Variants in ZFHX3 observed in about 807,000 individuals in gnomAD.
ZFHX3 encodes the protein zinc finger homeobox 3, also known as zinc finger homeobox protein 3.
A neutral mutation model predicts 279.1 loss-of-function variants in ZFHX3; 42 were observed. The ratio of observed to expected loss-of-function variants is 0.15; its 90% CI spans 0.12 to 0.19. ZFHX3 has a LOEUF of 0.19. ZFHX3 is among the 10% of genes least tolerant of loss of function. ZFHX3 has a pLI of 1.00. For missense variants in ZFHX3, 4,981 were observed against 4,754.0 expected, an observed-to-expected ratio of 1.05 and a Z score of -1.40; for synonymous variants, 2,293 against 1,957.8, an observed-to-expected ratio of 1.17 and a Z score of -4.52.
intron 1 of ZFHX3, among the ~76,000 whole-genome samples, chr16:73,687,815 T>TCGAAACTG (rs1555532489): frequency 7.4e-6 from 1 of 134,648 alleles, no homozygotes; most frequent in Non-Finnish European, 1.5e-5. Context: ...GCCACTGCAC[T>TCGAAACTG]CCAAACTGGT....
chr16:73,070,565 C>T (rs1056992220), intron 8 of ZFHX3, among the ~76,000 whole-genome samples: 1 of 152,172 alleles, frequency 6.6e-6, no homozygotes, highest in African/African-American at 2.4e-5. Flanking sequence ...AACCTGCTTG[C>T]CGAGGACGCA....
At chr16:73,821,682 T>C (rs900090561) in intron 1 of ZFHX3, among the ~76,000 whole-genome samples, 5 of 152,188 alleles carry the variant, frequency 3.3e-5, no homozygotes, top group Admixed American at 1.3e-4. Context: ...ATTGTGAAGT[T>C]TACACTTAGC....
intron 1 of ZFHX3, among the ~76,000 whole-genome samples, chr16:73,728,036 A>C: frequency 3.4e-5 from 1 of 29,168 alleles, no homozygotes; most frequent in Non-Finnish European, 8.2e-5. Context: ...GCCCCCAATA[A>C]TTCATATGTT....
chr16:73,153,832 T>G (rs1221355804), intron 5 of ZFHX3, among the ~76,000 whole-genome samples: 1 of 151,928 alleles, frequency 6.6e-6, no homozygotes. Context: ...GTATTTTTAG[T>G]AGAGTCGGGG....
At chr16:73,684,592 A>C (rs1208317612) in intron 1 of ZFHX3, among the ~76,000 whole-genome samples, 1 of 152,172 alleles carries the variant, frequency 6.6e-6, no homozygotes, top group Non-Finnish European at 1.5e-5. Context: ...CATGGCAAAG[A>C]GGATTTAAGG....
In ZFHX3 at chr16:72,787,452, A is replaced by AGCGGAGGAGGGGGCG; in HGVS notation, c.10809_10823dup (p.Ala3604_Ala3608dup). The AGCGGAGGAGGGGGCG allele has an allele frequency of 7.9e-7, 1 of 1,268,762 alleles. No homozygotes were observed. Among genetic ancestry groups the AGCGGAGGAGGGGGCG allele is most frequent in the South Asian group, 1.6e-5 (1 of 61,450 alleles). 78.6% of individuals were successfully genotyped at this position (1,268,762 alleles called of 1,614,324 possible). A position where few individuals can be genotyped will look rare whatever the true frequency, so the allele number is the denominator to read the frequency against. On this transcript the variant is annotated inframe_insertion, in exon 10 of 10. Coordinates refer to ENST00000268489, the MANE Select transcript of ZFHX3 (RefSeq NM_006885.4). The stretch of plus-strand genomic sequence containing the variant: ...AAGACTTCCTGGAGGCGTGGGGGGA[A>AGCGGAGGAGGGGGCG]GCGGAGGAGGGGGCGGCGGCCGACG...
intron 1 of ZFHX3, among the ~76,000 whole-genome samples, chr16:73,863,491 A>G (rs747992574): frequency 2.6e-4 from 39 of 152,198 alleles, no homozygotes; most frequent in Non-Finnish European, 3.8e-4. Context: ...GATAGTCTTC[A>G]CACAGAGCAG....
intron 1 of ZFHX3, among the ~76,000 whole-genome samples, chr16:72,970,455 A>G (rs1332583809): frequency 6.6e-6 from 1 of 152,152 alleles, no homozygotes; most frequent in African/African-American, 2.4e-5. Context: ...CAAGAAAGAC[A>G]AGCATCGTGT....
intron 3 of ZFHX3, among the ~76,000 whole-genome samples, chr16:73,417,101 T>C (rs1274682402): frequency 6.6e-6 from 1 of 152,034 alleles, no homozygotes; most frequent in Non-Finnish European, 1.5e-5. Context: ...CTGCTATTGC[T>C]GCCCAAAACA....
At chr16:72,995,110 G>A (rs1051446247) in intron 1 of ZFHX3, among the ~76,000 whole-genome samples, 15 of 152,150 alleles carry the variant, frequency 9.9e-5, no homozygotes, top group African/African-American at 3.4e-4. Context: ...ACAGCCAGAT[G>A]AGAGGTGCCT....
chr16:73,669,517 T>A (rs1445633058), intron 2 of ZFHX3, among the ~76,000 whole-genome samples: 2 of 152,218 alleles, frequency 1.3e-5, no homozygotes, highest in Non-Finnish European at 2.9e-5. Flanking sequence ...TGTAAGTTTT[T>A]AAGATAAAAA....
chr16:73,014,391 C>CTA (rs1382525340), intron 1 of ZFHX3: 1 of 150,934 alleles, frequency 6.6e-6, no homozygotes, highest in African/African-American at 2.4e-5. Context: ...ACGTAATATT[C>CTA]TATGCACACA....
chr16:73,801,640 A>G (rs1418816662), intron 1 of ZFHX3, among the ~76,000 whole-genome samples: 1 of 152,242 alleles, frequency 6.6e-6, no homozygotes, highest in Non-Finnish European at 1.5e-5. Flanking sequence ...CAAGTGCAGA[A>G]GTCCAGACCC....
At chr16:73,798,850 C>T (rs994077184) in intron 1 of ZFHX3, among the ~76,000 whole-genome samples, 2 of 152,160 alleles carry the variant, frequency 1.3e-5, no homozygotes, top group African/African-American at 4.8e-5. Context: ...TGAGCTTGTC[C>T]GTCCCTCCTA....
rs550900844 is a variant in ZFHX3 at position 73,782,634 on chromosome 16, T to C, written c.-1607-102394A>G. Reference sequence around the variant, plus strand: ...TTGTGGTTAGACGAGGCCAAACGAATAGGTCTGAAAAGTGGGCTCTGAGCA... The same window carrying C: ...TTGTGGTTAGACGAGGCCAAACGAACAGGTCTGAAAAGTGGGCTCTGAGCA... On this transcript the variant is annotated intron_variant, in intron 1 of 17. Coordinates refer to the ZFHX3 transcript ENST00000641206. Among the ~76,000 whole-genome samples the C allele has an allele frequency of 2.0e-5, 3 of 152,254 alleles. No individual in the cohort carries two copies. In the South Asian group the frequency reaches 6.2e-4, roughly 32 times the overall value.
At chr16:73,034,346 C>T (rs896771250) in intron 1 of ZFHX3, among the ~76,000 whole-genome samples, 10 of 152,170 alleles carry the variant, frequency 6.6e-5, no homozygotes, top group Non-Finnish European at 1.5e-4. Flanking sequence ...TTGCTGGAAT[C>T]GGTGACCCTC....
At chr16:72,937,709 T>C (rs1364315801) in intron 3 of ZFHX3, among the ~76,000 whole-genome samples, 1 of 152,126 alleles carries the variant, frequency 6.6e-6, no homozygotes, top group Non-Finnish European at 1.5e-5. Context: ...CTTTCCATCC[T>C]CTCTGTTCCA....
chr16:73,795,742 C>G (rs868203173), intron 1 of ZFHX3, among the ~76,000 whole-genome samples: 2 of 152,130 alleles, frequency 1.3e-5, no homozygotes, highest in African/African-American at 2.4e-5. Flanking sequence ...GAATTGCATT[C>G]AGAATTTCAA....
intron 3 of ZFHX3, among the ~76,000 whole-genome samples, chr16:73,369,621 C>T (rs144752445): frequency 2.6e-5 from 4 of 152,272 alleles, no homozygotes; most frequent in Admixed American, 1.3e-4. Context: ...AAACAGCATG[C>T]CAGTGCTTCT....
Sources: allele counts gnomAD v4.1 joint callset (sites outside exome capture counted in the v4.1 genomes callset), GRCh38; gene constraint gnomAD v4.1.1; transcripts MANE v1.5; gene names NCBI Gene and HGNC (gene_info 2026-07-23, HGNC 2026-07-21).